GRID1: variants seen among roughly 807,000 people sequenced by gnomAD.
The protein encoded by GRID1 is glutamate ionotropic receptor delta type subunit 1, also known as glutamate receptor ionotropic, delta-1.
Under a neutral mutation model 98.0 loss-of-function variants are expected in GRID1, and 28 were observed. The observed-to-expected ratio is 0.29, with a 90% CI of 0.21 to 0.39. The LOEUF is 0.39. Ranked by LOEUF, GRID1 falls within the 10% of genes least tolerant of loss-of-function variation. The pLI, the probability that GRID1 is intolerant of heterozygous loss-of-function variation, is 1.00. For missense variants in GRID1, 1,111 were observed against 1,340.5 expected (o/e 0.83, Z 2.67); for synonymous variants, 553 against 538.5 (o/e 1.03, Z -0.37).
intron 4 of GRID1, among the ~76,000 whole-genome samples, chr10:86,084,100 T>G (rs981913620): frequency 7.9e-5 from 12 of 152,110 alleles, no homozygotes; most frequent in African/African-American, 2.9e-4. Flanking sequence ...GCACTGAATA[T>G]CTGGTGTGTC....
At chr10:86,231,285 C>T (rs1308099765) in intron 2 of GRID1, among the ~76,000 whole-genome samples, 1 of 152,138 alleles carries the variant, frequency 6.6e-6, no homozygotes, top group Non-Finnish European at 1.5e-5. Context: ...GGCAGGGGGC[C>T]CGGGCTGGTT....
chr10:85,958,135 G>A (rs1217998956), intron 4 of GRID1, among the ~76,000 whole-genome samples: 1 of 152,204 alleles, frequency 6.6e-6, no homozygotes, highest in African/African-American at 2.4e-5. Flanking sequence ...AGGTCAACCT[G>A]GGCCTCTCCT....
At chr10:85,670,607 G>C (rs1841074092) in intron 12 of GRID1, among the ~76,000 whole-genome samples, 1 of 152,140 alleles carries the variant, frequency 6.6e-6, no homozygotes, top group South Asian at 2.1e-4. Context: ...AGAAGAAACT[G>C]CGAGTTGCTT....
intron 12 of GRID1, 25 bp downstream of exon 12, chr10:85,722,978 C>G: frequency 6.3e-7 from 1 of 1,594,188 alleles, no homozygotes; most frequent in Non-Finnish European, 8.6e-7. Context: ...GCTGCTGGCT[C>G]CAGATCAAGG....
intron 12 of GRID1, among the ~76,000 whole-genome samples, chr10:85,664,072 C>T (rs1840994364): frequency 6.6e-6 from 1 of 152,170 alleles, no homozygotes; most frequent in South Asian, 2.1e-4. Flanking sequence ...GGAATAGTCA[C>T]TCAATGTTGA....
intron 4 of GRID1, among the ~76,000 whole-genome samples, chr10:85,966,772 C>A (rs1266999166): frequency 6.6e-6 from 1 of 151,922 alleles, no homozygotes; most frequent in East Asian, 1.9e-4. Flanking sequence ...CAAGATCATG[C>A]CACTGCACTC....
chr10:86,263,695 T>G (rs1847058187), intron 2 of GRID1, among the ~76,000 whole-genome samples: 1 of 152,174 alleles, frequency 6.6e-6, no homozygotes, highest in African/African-American at 2.4e-5. Flanking sequence ...GAGTCACTAT[T>G]TATAAAGTGC....
At chr10:85,864,678 G>A (rs967104066) in intron 6 of GRID1, among the ~76,000 whole-genome samples, 1 of 152,222 alleles carries the variant, frequency 6.6e-6, no homozygotes, top group Non-Finnish European at 1.5e-5. Context: ...AGCCATGGAA[G>A]AGTACAGAAA....
intron 15 of GRID1, among the ~76,000 whole-genome samples, chr10:85,605,218 T>C (rs1258829847): frequency 6.6e-6 from 1 of 152,238 alleles, no homozygotes; most frequent in Non-Finnish European, 1.5e-5. Context: ...TCATCTGTAT[T>C]AGCCAGAATC....
At chr10:85,956,572 G>A (rs1156566973) in intron 4 of GRID1, among the ~76,000 whole-genome samples, 1 of 152,146 alleles carries the variant, frequency 6.6e-6, no homozygotes, top group African/African-American at 2.4e-5. Flanking sequence ...TCTTGGCCTG[G>A]TTTGGGCTCA....
At chr10:86,359,747 T>C in intron 2 of GRID1, among the ~76,000 whole-genome samples, 1 of 152,248 alleles carries the variant, frequency 6.6e-6, no homozygotes. Flanking sequence ...GCCAGTTCTT[T>C]TATATAAATT....
At chr10:85,677,212 G>A (rs1363682345) in intron 12 of GRID1, among the ~76,000 whole-genome samples, 1 of 152,202 alleles carries the variant, frequency 6.6e-6, no homozygotes, top group Non-Finnish European at 1.5e-5. Context: ...AACAGGATAA[G>A]AGATAAAGTG....
chr10:86,027,459 T>A (rs1843130509), intron 4 of GRID1, among the ~76,000 whole-genome samples: 2 of 152,268 alleles, frequency 1.3e-5, no homozygotes, highest in Admixed American at 6.5e-5. Context: ...TACTATTTCA[T>A]TGTATGGATA....
At chr10:86,234,032 G>A (rs531662643) in intron 2 of GRID1, among the ~76,000 whole-genome samples, 4 of 152,226 alleles carry the variant, frequency 2.6e-5, no homozygotes, top group African/African-American at 9.6e-5. Context: ...TGCTCCAGTT[G>A]CTGTCCCCTC....
chr10:85,681,426 T>C lies in GRID1; in HGVS notation c.1998-34029A>G, dbSNP rs1298538392. On this transcript the variant is annotated intron_variant, in intron 12 of 15. Coordinates refer to ENST00000327946, the MANE Select transcript of GRID1 (RefSeq NM_017551.3). ...AAAAATAACAAAGAAAAGAAATAGG[T>C]TTGGAAAAGTTAGGTTGCCCAAAGT... is the stretch of plus-strand genomic sequence containing the variant. Among the ~76,000 whole-genome samples the C allele has an allele frequency of 2.6e-5, 4 of 152,084 alleles. No individual in the cohort carries two copies. The South Asian group carries it at 8.3e-4, about 32-fold the overall frequency.
intron 4 of GRID1, among the ~76,000 whole-genome samples, chr10:86,042,594 G>A (rs1843362206): frequency 1.3e-5 from 2 of 152,144 alleles, no homozygotes; most frequent in African/African-American, 2.4e-5. Context: ...CCAAACTGTA[G>A]GCTAACAGCA....
At chr10:85,841,200 C>G (rs1251780832) in intron 8 of GRID1, among the ~76,000 whole-genome samples, 1 of 152,156 alleles carries the variant, frequency 6.6e-6, no homozygotes, top group Non-Finnish European at 1.5e-5. Flanking sequence ...ATACAACTAC[C>G]TGATCTTCAA....
chr10:85,732,770 A>C (rs894531175), intron 8 of GRID1, among the ~76,000 whole-genome samples: 1 of 152,214 alleles, frequency 6.6e-6, no homozygotes, highest in African/African-American at 2.4e-5. Flanking sequence ...TTTTTCTTAC[A>C]GAATAAATCC....
At chr10:86,083,720 G>A (rs1203360439) in intron 4 of GRID1, among the ~76,000 whole-genome samples, 1 of 152,126 alleles carries the variant, frequency 6.6e-6, no homozygotes, top group African/African-American at 2.4e-5. Context: ...TGATAAATCT[G>A]CCAGCATTAC....
Sources: allele counts gnomAD v4.1 joint callset (sites outside exome capture counted in the v4.1 genomes callset), GRCh38; gene constraint gnomAD v4.1.1; transcripts MANE v1.5; gene names NCBI Gene and HGNC (gene_info 2026-07-23, HGNC 2026-07-21).